Variants in SBF2 observed in about 807,000 individuals in gnomAD.
The protein encoded by SBF2 is myotubularin-related protein 13.
Under a neutral mutation model 225.2 loss-of-function variants are expected in SBF2, and 112 were observed. The observed-to-expected ratio is 0.50, with a 90% CI of 0.43 to 0.58. The LOEUF (loss-of-function observed/expected upper bound fraction) is 0.58. SBF2 is among the 20% of genes least tolerant of loss of function. SBF2 has a pLI of 0.00. For synonymous variants in SBF2, 763 were observed against 773.3 expected (o/e 0.99, Z 0.22); for missense variants, 1,996 against 2,206.2 (o/e 0.90, Z 1.91).
In SBF2 at chr11:9,792,323, C is replaced by T. The variant is rs374597986; in HGVS notation, c.4571-1640G>A. 4.4e-4 allele frequency among the ~76,000 whole-genome samples: 67 copies of T among 151,544 alleles called. No individual in the cohort carries two copies. In the South Asian group the frequency reaches 0.012, roughly 27 times the overall value. On this transcript the variant is annotated intron_variant, in intron 33 of 39. Coordinates refer to ENST00000256190, the MANE Select transcript of SBF2 (RefSeq NM_030962.4). ...GCGGGCACCTGTAATCCCAGCTACT[C>T]GGGAGGCTGAGGCAGGAGAATCACT...
intron 16 of SBF2, among the ~76,000 whole-genome samples, chr11:9,944,005 G>A (rs1363597746): frequency 6.6e-6 from 1 of 152,140 alleles, no homozygotes; most frequent in African/African-American, 2.4e-5. Flanking sequence ...TTCAATAGCA[G>A]AATGGGCTTA....
chr11:10,207,412 C>T (rs1196182879), intron 1 of SBF2, among the ~76,000 whole-genome samples: 2 of 152,060 alleles, frequency 1.3e-5, no homozygotes, highest in Non-Finnish European at 2.9e-5. Flanking sequence ...AAATACAAAT[C>T]CAAGTCATCC....
At chr11:9,781,712 G>T (rs1156572041) in intron 38 of SBF2, 74 bp from the exon 39 acceptor site, 1 of 1,544,538 alleles carries the variant, frequency 6.5e-7, no homozygotes, top group African/African-American at 1.4e-5. Context: ...AACTGCATTT[G>T]AATACCTTCC....
At chr11:10,079,695 A>G (rs1431813165) in intron 2 of SBF2, among the ~76,000 whole-genome samples, 2 of 152,200 alleles carry the variant, frequency 1.3e-5, no homozygotes, top group African/African-American at 2.4e-5. Flanking sequence ...AAACTACCTT[A>G]TTCTAGCAGA....
Position 10,098,500 on chromosome 11 carries a change from G to A in SBF2, c.142-55519C>T, listed in dbSNP as rs192818284. ...TAAAAAAAAAAAAACAAAGAAATATGATACCACCAAAGAAACAAAGTAAAT... is the reference window on the plus strand; with the variant it reads ...TAAAAAAAAAAAAACAAAGAAATATAATACCACCAAAGAAACAAAGTAAAT... On this transcript the variant is annotated intron_variant, in intron 2 of 39. Transcript: ENST00000256190. 5.5e-3 allele frequency among the ~76,000 whole-genome samples: 833 copies of A among 150,292 alleles called. 2 individuals carry two copies. The highest frequency in any genetic ancestry group is 8.6e-3 in the Non-Finnish European group (580 of 67,576).
intron 2 of SBF2, among the ~76,000 whole-genome samples, chr11:10,076,676 G>C (rs1951127788): frequency 6.6e-6 from 1 of 152,232 alleles, no homozygotes; most frequent in Non-Finnish European, 1.5e-5. Flanking sequence ...CTGCCAGGCT[G>C]AAAGCATGGA....
chr11:10,181,784 G>A (rs187507373), intron 2 of SBF2, among the ~76,000 whole-genome samples: 1 of 152,236 alleles, frequency 6.6e-6, no homozygotes, highest in African/African-American at 2.4e-5. Context: ...AGTGAGGAAA[G>A]TTTAGTGGTG....
At chr11:10,205,109 C>T (rs769280616) in intron 1 of SBF2, among the ~76,000 whole-genome samples, 6 of 151,718 alleles carry the variant, frequency 4.0e-5, no homozygotes, top group Non-Finnish European at 7.4e-5. Flanking sequence ...CAAACCACCA[C>T]GGCACATGTT....
chr11:10,001,305 A>G (rs1947945640), intron 7 of SBF2, among the ~76,000 whole-genome samples: 1 of 152,138 alleles, frequency 6.6e-6, no homozygotes. Context: ...TACTGTTTGA[A>G]AGCATTTTTC....
At chr11:10,059,559 A>T (rs968071342) in intron 2 of SBF2, among the ~76,000 whole-genome samples, 4 of 152,154 alleles carry the variant, frequency 2.6e-5, no homozygotes, top group African/African-American at 7.2e-5. Context: ...GTTTCCACCC[A>T]AAAACAACAG....
chr11:10,027,791 G>A (rs570950215), intron 6 of SBF2, among the ~76,000 whole-genome samples: 49 of 152,146 alleles, frequency 3.2e-4, no homozygotes, highest in South Asian at 1.0e-3. Context: ...AACCATTGCC[G>A]AAAAATTGGA....
chr11:10,217,310 T>C (rs1049174490), intron 1 of SBF2, among the ~76,000 whole-genome samples: 2 of 152,202 alleles, frequency 1.3e-5, no homozygotes, highest in African/African-American at 2.4e-5. Context: ...AGGTCTTATT[T>C]TGAGGAAGTA....
chr11:9,908,842 G>A (rs1176800075), intron 16 of SBF2, among the ~76,000 whole-genome samples: 1 of 132,756 alleles, frequency 7.5e-6, no homozygotes, highest in Admixed American at 8.1e-5. Flanking sequence ...GTGCCACTGC[G>A]CATGGCTAAT....
intron 6 of SBF2, among the ~76,000 whole-genome samples, chr11:10,014,505 TAA>T (rs1181315538): frequency 2.4e-4 from 17 of 70,802 alleles, no homozygotes; most frequent in Non-Finnish European, 2.5e-4. Flanking sequence ...CCATTTCAAC[TAA>T]AAAAAAAAAA....
intron 28 of SBF2, chr11:9,828,348 A>G: frequency 8.5e-7 from 1 of 1,172,158 alleles, no homozygotes. Context: ...AAGTACCCAA[A>G]GCTTTATTAG....
At chr11:9,834,434 C>T (rs192536110) in intron 26 of SBF2, among the ~76,000 whole-genome samples, 3 of 152,190 alleles carry the variant, frequency 2.0e-5, no homozygotes, top group Non-Finnish European at 4.4e-5. Flanking sequence ...GCAACTACCA[C>T]CACTATCCAT....
intron 17 of SBF2, among the ~76,000 whole-genome samples, chr11:9,860,611 G>A (rs958026122): frequency 5.3e-5 from 8 of 152,098 alleles, no homozygotes; most frequent in African/African-American, 1.9e-4. Flanking sequence ...GATTATAGAT[G>A]TGAGCCCCCA....
chr11:10,080,990 T>C (rs1951343852), intron 2 of SBF2, among the ~76,000 whole-genome samples: 2 of 152,152 alleles, frequency 1.3e-5, no homozygotes, highest in East Asian at 1.9e-4. Context: ...GAGAAAAATA[T>C]AGATAGCAAT....
chr11:10,213,607 G>A (rs1565361294), intron 1 of SBF2, among the ~76,000 whole-genome samples: 1 of 152,128 alleles, frequency 6.6e-6, no homozygotes, highest in Non-Finnish European at 1.5e-5. Flanking sequence ...CATGAAGTTA[G>A]CCCCTTGAAC....
Sources: gnomAD v4.1 joint callset for allele counts (sites outside exome capture counted in the v4.1 genomes callset) on GRCh38, gnomAD v4.1.1 for gene constraint, MANE v1.5 for transcripts, NCBI Gene and HGNC (gene_info 2026-07-23, HGNC 2026-07-21) for gene names.